DPY19L4: variants seen among roughly 807,000 people sequenced by gnomAD.
DPY19L4 encodes probable C-mannosyltransferase DPY19L4.
Under a neutral mutation model 102.8 loss-of-function variants are expected in DPY19L4, and 97 were observed. That is an observed-to-expected ratio of 0.94 (90% CI 0.80 to 1.12). DPY19L4 has a LOEUF of 1.12. Among genes scored for constraint, DPY19L4 ranks in the 50% most tolerant of loss-of-function variants. The pLI is 0.00. For missense variants in DPY19L4, 815 were observed against 850.4 expected (o/e 0.96, Z 0.52); for synonymous variants, 252 against 283.1 (o/e 0.89, Z 1.10).
intron 17 of DPY19L4, among the ~76,000 whole-genome samples, chr8:94,786,236 C>G (rs1215164911): frequency 6.6e-6 from 1 of 151,950 alleles, no homozygotes; most frequent in Admixed American, 6.6e-5. Flanking sequence ...AAACAGTTCT[C>G]CTGCCTCAAC....
chr8:94,793,660 T>TAGGG lies in DPY19L4; in HGVS notation c.*3752_*3753insGGAG, dbSNP rs1484660831. The TAGGG allele has an allele frequency of 1.9e-3, 293 of 152,294 alleles. No individual in the cohort carries two copies. Among genetic ancestry groups the TAGGG allele is most frequent in the African/African-American group, 6.9e-3 (285 of 41,578 alleles). The allele number at this position is 152,294 out of a possible 1,614,324, so 9.4% of individuals were successfully genotyped here. A position where few individuals can be genotyped will look rare whatever the true frequency, so the allele number is the denominator to read the frequency against. Reference sequence around the variant, plus strand: ...GCTACAAAAAGTTGCAAGTAAAATTTAGCAATTTCCTATTCAAACAGGATC... The same window carrying TAGGG: ...GCTACAAAAAGTTGCAAGTAAAATTTAGGGAGCAATTTCCTATTCAAACAGGATC... On this transcript the variant is annotated 3_prime_UTR_variant, in exon 19 of 19. Coordinates refer to ENST00000414645, the MANE Select transcript of DPY19L4 (RefSeq NM_181787.3).
At chr8:94,769,337 C>T (rs1018100173) in intron 12 of DPY19L4, among the ~76,000 whole-genome samples, 1 of 152,092 alleles carries the variant, frequency 6.6e-6, no homozygotes, top group Non-Finnish European at 1.5e-5. Context: ...GCTGGGATTA[C>T]AGGTGTGAGC....
intron 8 of DPY19L4, among the ~76,000 whole-genome samples, chr8:94,763,807 C>T (rs906751533): frequency 2.6e-5 from 4 of 152,122 alleles, no homozygotes; most frequent in African/African-American, 4.8e-5. Context: ...GGATTACAGG[C>T]GTGAGCCACT....
At chr8:94,786,703 G>A (rs533832307) in intron 17 of DPY19L4, among the ~76,000 whole-genome samples, 11 of 151,948 alleles carry the variant, frequency 7.2e-5, no homozygotes, top group African/African-American at 2.2e-4. Flanking sequence ...GCATGCCACC[G>A]CACCCAGCTA....
chr8:94,747,450 A>G (rs944919599), intron 6 of DPY19L4, among the ~76,000 whole-genome samples: 4 of 152,040 alleles, frequency 2.6e-5, no homozygotes, highest in African/African-American at 9.7e-5. Context: ...CCGCATTGCC[A>G]ACTAGATGTT....
intron 7 of DPY19L4, among the ~76,000 whole-genome samples, chr8:94,758,361 G>T (rs1812255855): frequency 2.0e-5 from 3 of 152,122 alleles, no homozygotes; most frequent in Non-Finnish European, 4.4e-5. Context: ...ACTTTCTTCA[G>T]ATTTCACCAG....
At chr8:94,739,280 A>G in intron 4 of DPY19L4, 133 bp from the exon 5 acceptor site, 1 of 1,134,272 alleles carries the variant, frequency 8.8e-7, no homozygotes. Flanking sequence ...TTTTTAAAAA[A>G]TGGAAAATGC....
At chr8:94,781,423 AAAG>A (rs1813427183) in intron 16 of DPY19L4, among the ~76,000 whole-genome samples, 1 of 152,200 alleles carries the variant, frequency 6.6e-6, no homozygotes, top group Non-Finnish European at 1.5e-5. Context: ...ATGGGATAAA[AAAG>A]AAGAGATATC....
intron 7 of DPY19L4, among the ~76,000 whole-genome samples, chr8:94,757,541 C>T (rs1812214342): frequency 6.6e-6 from 1 of 152,056 alleles, no homozygotes; most frequent in Admixed American, 6.5e-5. Context: ...TCCTGTGTAG[C>T]TGAGATTACA....
At position 94,739,717 on chromosome 8, in the gene DPY19L4, T is replaced by C. The variant is rs1196437811; in HGVS notation, c.538T>C (p.Phe180Leu). 2 of 1,613,842 alleles carry C rather than the reference T, an allele frequency of 1.2e-6. No individual in the cohort carries two copies. The highest frequency in any genetic ancestry group is 1.7e-6 in the Non-Finnish European group (2 of 1,180,042). The change falls in exon 6 of 19, where the codon TTT becomes CTT. Residue 180 changes from phenylalanine to leucine, a missense_variant. By Grantham distance (22) the Phe-to-Leu change is conservative. Transcript: ENST00000414645. ...GLQGIYVTAL[F>L]VTSWLMSGTW... is the part of the protein sequence containing the mutation. ...GCAAGGAATATATGTTACTGCTTTATTTGTTACAAGTTGGCTTATGAGTGG... is the reference window on the plus strand; with the variant it reads ...GCAAGGAATATATGTTACTGCTTTACTTGTTACAAGTTGGCTTATGAGTGG...
intron 13 of DPY19L4, among the ~76,000 whole-genome samples, chr8:94,771,567 T>C (rs1812937614): frequency 6.6e-6 from 1 of 152,152 alleles, no homozygotes. Context: ...TATAAGAACA[T>C]ATAAAACAGA....
At chr8:94,766,519 CTTG>C (rs1203631147) in intron 10 of DPY19L4, 90 bp from the exon 11 acceptor site, 9 of 1,166,260 alleles carry the variant, frequency 7.7e-6, no homozygotes, top group Admixed American at 2.4e-5. Context: ...GTTTTGTAGT[CTTG>C]TTGTGTTTTC....
chr8:94,761,571 C>A, intron 7 of DPY19L4, 129 bp from the exon 8 acceptor site: 226 of 793,156 alleles, frequency 2.8e-4, no homozygotes, highest in East Asian at 7.2e-4. Context: ...GATTTAAAAA[C>A]AAAGTTTCAA....
chr8:94,737,909 C>T (rs1282204011), intron 3 of DPY19L4, among the ~76,000 whole-genome samples: 1 of 152,104 alleles, frequency 6.6e-6, no homozygotes, highest in Non-Finnish European at 1.5e-5. Context: ...TGCCTGTAGT[C>T]CTAGCTACTG....
At chr8:94,781,228 A>C in intron 16 of DPY19L4, 62 bp downstream of exon 16, 1 of 1,272,838 alleles carries the variant, frequency 7.9e-7, no homozygotes, top group Non-Finnish European at 1.1e-6. Context: ...ATGCTATCTA[A>C]TGAATTCACA....
At chr8:94,739,893 A>G (rs1208714872) in intron 6 of DPY19L4, 103 bp downstream of exon 6, 1 of 1,354,934 alleles carries the variant, frequency 7.4e-7, no homozygotes, top group Non-Finnish European at 1.0e-6. Flanking sequence ...TCTAATCCTC[A>G]GAACCTATGA....
intron 2 of DPY19L4, among the ~76,000 whole-genome samples, chr8:94,730,528 C>G (rs1279722995): frequency 2.6e-5 from 4 of 151,498 alleles, no homozygotes; most frequent in Non-Finnish European, 5.9e-5. Context: ...GGGGGATCAC[C>G]TGAGGTCGGG....
At chr8:94,734,784 A>C in intron 3 of DPY19L4, 30 bp downstream of exon 3, 2 of 1,612,368 alleles carry the variant, frequency 1.2e-6, no homozygotes, top group Non-Finnish European at 1.7e-6. Flanking sequence ...AGCATATGAA[A>C]GTTATTTTCC....
intron 7 of DPY19L4, among the ~76,000 whole-genome samples, chr8:94,759,213 G>A (rs1204809779): frequency 6.6e-6 from 1 of 152,148 alleles, no homozygotes; most frequent in Admixed American, 6.5e-5. Context: ...GGGGTGGCTA[G>A]CTTTTATTCC....
Sources: allele counts gnomAD v4.1 joint callset (sites outside exome capture counted in the v4.1 genomes callset), GRCh38; gene constraint gnomAD v4.1.1; transcripts MANE v1.5; gene names NCBI Gene and HGNC (gene_info 2026-07-23, HGNC 2026-07-21).